The following WDFY2 variants were observed in gnomAD, a reference collection of about 807,000 sequenced individuals.
WDFY2 encodes WD repeat and FYVE domain-containing protein 2.
Under a neutral mutation model 56.4 loss-of-function variants are expected in WDFY2, and 36 were observed. The ratio of observed to expected loss-of-function variants is 0.64; its 90% CI spans 0.49 to 0.84. The LOEUF (loss-of-function observed/expected upper bound fraction) is 0.84, where lower values mean the gene tolerates loss of function less well. Ranked by LOEUF, WDFY2 falls within the 40% of genes least tolerant of loss-of-function variation. WDFY2 has a pLI of 0.00. For synonymous variants in WDFY2, 176 were observed against 183.7 expected (o/e 0.96, Z 0.34); for missense variants, 444 against 512.2 (o/e 0.87, Z 1.29).
chr13:51,645,130 C>CT (rs200732935), intron 1 of WDFY2, among the ~76,000 whole-genome samples: 40 of 148,850 alleles, frequency 2.7e-4, no homozygotes, highest in South Asian at 2.6e-3. Context: ...GCGTTTGAAG[C>CT]TTTTTTTTTT....
At chr13:51,605,623 A>G (rs1954372036) in intron 1 of WDFY2, among the ~76,000 whole-genome samples, 1 of 152,238 alleles carries the variant, frequency 6.6e-6, no homozygotes, top group Admixed American at 6.5e-5. Flanking sequence ...TTTGGTAGAA[A>G]TGGAAAGTTT....
At chr13:51,621,104 T>C (rs1248447602) in intron 1 of WDFY2, among the ~76,000 whole-genome samples, 1 of 152,358 alleles carries the variant, frequency 6.6e-6, no homozygotes, top group East Asian at 1.9e-4. Context: ...CTCTTCTCTC[T>C]TCCCCCTTCC....
intron 4 of WDFY2, among the ~76,000 whole-genome samples, chr13:51,708,464 G>A (rs916310056): frequency 6.6e-6 from 1 of 151,822 alleles, no homozygotes; most frequent in Non-Finnish European, 1.5e-5. Flanking sequence ...GGGTAACAGA[G>A]CAAGACCCTG....
At chr13:51,682,303 C>T (rs1566116830) in intron 3 of WDFY2, among the ~76,000 whole-genome samples, 1 of 152,106 alleles carries the variant, frequency 6.6e-6, no homozygotes, top group Non-Finnish European at 1.5e-5. Context: ...GTCCTAGGAA[C>T]CTTATATCTA....
rs1352461222 is a variant in WDFY2, at chr13:51,765,835, T to C, written c.*6066T>C. 6.6e-6 allele frequency: 1 copy of C among 152,198 alleles called. No individual in the cohort carries two copies. Among genetic ancestry groups the C allele is most frequent in the African/African-American group, 2.4e-5 (1 of 41,454 alleles). 9.4% of individuals were successfully genotyped at this position (152,198 alleles called of 1,614,324 possible). On this transcript the variant is annotated 3_prime_UTR_variant, in exon 12 of 12. Transcript: ENST00000298125. ...AGGGTGGAAATTAATCATGGTACCA[T>C]CTCATTAAAAATAGATACCTCAAAA...
intron 1 of WDFY2, chr13:51,592,189 C>T (rs962095665): frequency 2.0e-5 from 3 of 151,664 alleles, no homozygotes; most frequent in Non-Finnish European, 4.4e-5. Flanking sequence ...CCAAATTGAG[C>T]ATTTGCTATT....
intron 3 of WDFY2, among the ~76,000 whole-genome samples, chr13:51,697,521 T>C (rs1401036773): frequency 6.6e-6 from 1 of 151,866 alleles, no homozygotes; most frequent in Non-Finnish European, 1.5e-5. Context: ...TAGTCCCAGC[T>C]ACTCAGGAGG....
At chr13:51,593,641 C>G (rs1440661804) in intron 1 of WDFY2, among the ~76,000 whole-genome samples, 1 of 152,072 alleles carries the variant, frequency 6.6e-6, no homozygotes, top group East Asian at 1.9e-4. Context: ...ATGTTTTTGG[C>G]TGACTGGTGA....
At chr13:51,606,390 C>T (rs1195584167) in intron 1 of WDFY2, among the ~76,000 whole-genome samples, 2 of 152,206 alleles carry the variant, frequency 1.3e-5, no homozygotes, top group East Asian at 1.9e-4. Flanking sequence ...ATTACCTATG[C>T]TGTTATTTCT....
chr13:51,648,019 T>A (rs532536414), intron 1 of WDFY2, among the ~76,000 whole-genome samples: 2 of 152,150 alleles, frequency 1.3e-5, no homozygotes, highest in Non-Finnish European at 2.9e-5. Flanking sequence ...CCCTGCTTAG[T>A]TGAACATGTG....
chr13:51,764,724 C>G lies in WDFY2; in HGVS notation c.*4955C>G, dbSNP rs1173807816. ...CTTTGGAAATCCCTAGAACTGTTAACTGAAGGTGACTCAGGGTAACTAATT... is the reference window on the plus strand; with the variant it reads ...CTTTGGAAATCCCTAGAACTGTTAAGTGAAGGTGACTCAGGGTAACTAATT... On this transcript the variant is annotated 3_prime_UTR_variant, in exon 12 of 12. Transcript: ENST00000298125. The G allele has an allele frequency of 6.6e-6, 1 of 152,240 alleles. No individual in the cohort carries two copies. The highest frequency in any genetic ancestry group is 1.5e-5 in the Non-Finnish European group (1 of 68,054). 9.4% of individuals were successfully genotyped at this position (152,240 alleles called of 1,614,324 possible).
At chr13:51,684,666 A>T (rs757959177) in intron 3 of WDFY2, among the ~76,000 whole-genome samples, 1 of 152,124 alleles carries the variant, frequency 6.6e-6, no homozygotes, top group Non-Finnish European at 1.5e-5. Context: ...AGTAAATGGC[A>T]TCAATGAGTA....
intron 7 of WDFY2, among the ~76,000 whole-genome samples, chr13:51,749,242 T>C (rs1325939450): frequency 2.0e-5 from 3 of 152,304 alleles, no homozygotes; most frequent in Middle Eastern, 3.4e-3. Flanking sequence ...AAATTAAGTA[T>C]ATATCGATCA....
At chr13:51,701,388 G>A (rs1033004941) in intron 3 of WDFY2, among the ~76,000 whole-genome samples, 9 of 151,946 alleles carry the variant, frequency 5.9e-5, no homozygotes, top group African/African-American at 1.9e-4. Flanking sequence ...AGGCATGGTG[G>A]CATGTACCTG....
At chr13:51,636,333 G>T (rs185572140) in intron 1 of WDFY2, among the ~76,000 whole-genome samples, 585 of 152,192 alleles carry the variant, frequency 3.8e-3, no homozygotes, top group Non-Finnish European at 6.5e-3. Context: ...CTTGGTCATG[G>T]TTAACTGGTT....
chr13:51,717,466 G>GCT (rs1317068186), intron 4 of WDFY2, among the ~76,000 whole-genome samples: 2 of 152,008 alleles, frequency 1.3e-5, no homozygotes, highest in Non-Finnish European at 2.9e-5. Flanking sequence ...CAGGAAGGCT[G>GCT]CTCAGAGGAC....
chr13:51,658,424 C>T (rs1295101041), intron 1 of WDFY2, among the ~76,000 whole-genome samples: 1 of 152,210 alleles, frequency 6.6e-6, no homozygotes, highest in Admixed American at 6.5e-5. Context: ...AACACACCCC[C>T]TACAAACTGT....
At chr13:51,650,558 A>G (rs1289276763) in intron 1 of WDFY2, among the ~76,000 whole-genome samples, 4 of 151,786 alleles carry the variant, frequency 2.6e-5, no homozygotes, top group Admixed American at 6.6e-5. Flanking sequence ...GTTTGTCATA[A>G]ATAGCTCTTA....
intron 2 of WDFY2, among the ~76,000 whole-genome samples, chr13:51,661,653 AATG>A (rs1287022124): frequency 6.6e-6 from 1 of 152,232 alleles, no homozygotes; most frequent in Non-Finnish European, 1.5e-5. Flanking sequence ...TTTATAAACA[AATG>A]ATTATTAATG....
Sources: allele counts gnomAD v4.1 joint callset (sites outside exome capture counted in the v4.1 genomes callset), GRCh38; gene constraint gnomAD v4.1.1; transcripts MANE v1.5; gene names NCBI Gene and HGNC (gene_info 2026-07-23, HGNC 2026-07-21).